ZYG11B: variants seen among roughly 807,000 people sequenced by gnomAD.
The protein encoded by ZYG11B is zyg-11 family member B, cell cycle regulator.
Under a neutral mutation model 82.4 loss-of-function variants are expected in ZYG11B, and 36 were observed. The ratio of observed to expected loss-of-function variants is 0.44; its 90% CI spans 0.33 to 0.58. ZYG11B has a LOEUF of 0.58. ZYG11B is among the 20% of genes least tolerant of loss of function. The pLI is 0.02. For synonymous variants in ZYG11B, 303 were observed against 312.8 expected (o/e 0.97, Z 0.33); for missense variants, 552 against 895.6 (o/e 0.62, Z 4.90).
intron 5 of ZYG11B, among the ~76,000 whole-genome samples, chr1:52,787,470 G>A (rs915696007): frequency 2.0e-5 from 3 of 152,178 alleles, no homozygotes; most frequent in Non-Finnish European, 2.9e-5. Flanking sequence ...GCCAAATGGG[G>A]CTTGCTAATA....
At chr1:52,728,763 C>T (rs1266990509) in intron 1 of ZYG11B, among the ~76,000 whole-genome samples, 1 of 151,996 alleles carries the variant, frequency 6.6e-6, no homozygotes, top group Non-Finnish European at 1.5e-5. Context: ...TTGAGCTGGG[C>T]CTGAAAGTTG....
chr1:52,783,501 T>A lies in ZYG11B; in HGVS notation c.1093-1376T>A, dbSNP rs566100818. On this transcript the variant is annotated intron_variant, in intron 4 of 13. Coordinates refer to ENST00000294353, the MANE Select transcript of ZYG11B (RefSeq NM_024646.3). ...ACAAAGGACCCCAAAAGATTCCTTA[T>A]GGTAGCAGGCAGGAAGGTGACATGT... Among the ~76,000 whole-genome samples the A allele has an allele frequency of 1.8e-4, 28 of 151,946 alleles. No homozygotes were observed. In the Middle Eastern group the frequency reaches 0.01, roughly 56 times the overall value.
intron 3 of ZYG11B, among the ~76,000 whole-genome samples, chr1:52,776,229 A>AAAAAAATATATATATATATATATAT: frequency 1.3e-4 from 3 of 23,542 alleles, no homozygotes; most frequent in African/African-American, 1.9e-4. Context: ...TAAAAAAAAA[A>AAAAAAATATATATATATATATATAT]ATATATATAT....
chr1:52,791,354 A>G (rs1466825790), intron 6 of ZYG11B, among the ~76,000 whole-genome samples: 1 of 151,864 alleles, frequency 6.6e-6, no homozygotes, highest in African/African-American at 2.4e-5. Flanking sequence ...TTTCTCCAGC[A>G]GCAATTTTTT....
At chr1:52,795,923 A>G (rs567733477) in intron 6 of ZYG11B, among the ~76,000 whole-genome samples, 10 of 152,328 alleles carry the variant, frequency 6.6e-5, no homozygotes, top group Admixed American at 3.9e-4. Context: ...TTTGTGAATG[A>G]ATGAATGAAT....
At chr1:52,802,818 C>T (rs112419353) in intron 10 of ZYG11B, among the ~76,000 whole-genome samples, 5,637 of 151,388 alleles carry the variant, frequency 0.037, 326 homozygotes, top group African/African-American at 0.13. Context: ...CAGGAGATCA[C>T]GACCATCCTG....
At chr1:52,726,965 C>T (rs958267465) in intron 1 of ZYG11B, among the ~76,000 whole-genome samples, 1 of 152,044 alleles carries the variant, frequency 6.6e-6, no homozygotes, top group South Asian at 2.1e-4. Context: ...CCCTTTGTCG[C>T]CCACTCCTTG....
At position 52,785,517 on chromosome 1, in the gene ZYG11B, C is replaced by T. The variant is rs543886017; in HGVS notation, c.1269+464C>T. ...CTGTTGCCAGGCCAGAGTGCAGTGG[C>T]GCGATCTCAACTCACTGCAACCTCC... is the stretch of plus-strand genomic sequence containing the variant. On this transcript the variant is annotated intron_variant, in intron 5 of 13. Transcript: ENST00000294353. 5.3e-5 allele frequency among the ~76,000 whole-genome samples: 8 copies of T among 152,120 alleles called. No homozygotes were observed. In the South Asian group the frequency reaches 6.2e-4, roughly 12 times the overall value.
chr1:52,817,783 A>ATATATG (rs1553264328), intron 13 of ZYG11B, among the ~76,000 whole-genome samples: 1 of 23,144 alleles, frequency 4.3e-5, no homozygotes, highest in Non-Finnish European at 8.5e-5. Flanking sequence ...ATGTGTATAT[A>ATATATG]TATATATATA....
chr1:52,785,382 C>T (rs546048158), intron 5 of ZYG11B, among the ~76,000 whole-genome samples: 1 of 152,298 alleles, frequency 6.6e-6, no homozygotes, highest in Admixed American at 6.5e-5. Context: ...ATGATTAAGA[C>T]ATGTCTTTTC....
intron 6 of ZYG11B, among the ~76,000 whole-genome samples, chr1:52,794,035 C>G (rs568779294): frequency 6.6e-6 from 1 of 151,718 alleles, no homozygotes; most frequent in South Asian, 2.1e-4. Context: ...AGTGCAGTGG[C>G]GTGATCTCAG....
chr1:52,812,113 T>C (rs1645189044), intron 10 of ZYG11B, among the ~76,000 whole-genome samples: 1 of 152,224 alleles, frequency 6.6e-6, no homozygotes, highest in East Asian at 1.9e-4. Flanking sequence ...TTATAATATT[T>C]ATAATAGCTG....
At chr1:52,765,066 T>TA (rs911375329) in intron 2 of ZYG11B, among the ~76,000 whole-genome samples, 3 of 151,920 alleles carry the variant, frequency 2.0e-5, no homozygotes, top group East Asian at 1.9e-4. Context: ...TTTTTTTTTT[T>TA]AATAGAGATG....
chr1:52,770,015 G>A (rs1644732752), intron 2 of ZYG11B, among the ~76,000 whole-genome samples: 1 of 147,992 alleles, frequency 6.8e-6, no homozygotes, highest in African/African-American at 2.5e-5. Flanking sequence ...AGGTTACTGT[G>A]TCGACTTCAT....
chr1:52,742,639 G>A (rs991098920), intron 1 of ZYG11B, among the ~76,000 whole-genome samples: 5 of 151,984 alleles, frequency 3.3e-5, no homozygotes, highest in Admixed American at 1.3e-4. Flanking sequence ...TCAGGAGATC[G>A]AGATCGTCCT....
chr1:52,808,366 A>G (rs1645158495), intron 10 of ZYG11B, among the ~76,000 whole-genome samples: 1 of 152,214 alleles, frequency 6.6e-6, no homozygotes, highest in Non-Finnish European at 1.5e-5. Flanking sequence ...CTCCATCTCA[A>G]AAAAAGAAAA....
intron 2 of ZYG11B, among the ~76,000 whole-genome samples, chr1:52,760,261 G>A (rs1644616859): frequency 6.6e-6 from 1 of 152,162 alleles, no homozygotes; most frequent in African/African-American, 2.4e-5. Context: ...TGGCCAACAT[G>A]GCAAAACCCT....
Position 52,726,688 on chromosome 1 carries a change from G to A in ZYG11B, c.30+5G>A. ...GACCAGGCCGGCGCAGCCATGGTGA[G>A]GGAGCAAGGCCTGCCCTAGCCGCAG... On this transcript the variant is annotated splice_donor_5th_base_variant and intron_variant, in intron 1 of 13. Transcript: ENST00000294353. 2.0e-6 allele frequency: 3 copies of A among 1,478,750 alleles called. No individual in the cohort carries two copies. Among genetic ancestry groups the A allele is most frequent in the Non-Finnish European group, 1.8e-6 (2 of 1,121,284 alleles). 91.6% of individuals were successfully genotyped at this position (1,478,750 alleles called of 1,614,324 possible).
chr1:52,811,344 T>C (rs1297139670), intron 10 of ZYG11B, among the ~76,000 whole-genome samples: 2 of 152,196 alleles, frequency 1.3e-5, no homozygotes, highest in Non-Finnish European at 2.9e-5. Context: ...CTCTGCTTCT[T>C]CTATGACTTC....
Sources: gnomAD v4.1 joint callset for allele counts (sites outside exome capture counted in the v4.1 genomes callset) on GRCh38, gnomAD v4.1.1 for gene constraint, MANE v1.5 for transcripts, NCBI Gene and HGNC (gene_info 2026-07-23, HGNC 2026-07-21) for gene names.